Variants in TBX4 observed in about 807,000 individuals in gnomAD.
TBX4 encodes the protein T-box transcription factor 4, also known as T-box transcription factor TBX4.
Under a neutral mutation model 54.6 loss-of-function variants are expected in TBX4, and 13 were observed. The observed-to-expected ratio is 0.24, with a 90% CI of 0.15 to 0.38. The LOEUF (loss-of-function observed/expected upper bound fraction) is 0.38, where lower values mean the gene tolerates loss of function less well. TBX4 is among the 10% of genes least tolerant of loss of function. TBX4 has a pLI of 1.00. For missense variants in TBX4, 631 were observed against 728.5 expected (o/e 0.87, Z 1.54); for synonymous variants, 314 against 306.7 (o/e 1.02, Z -0.25).
intron 3 of TBX4, among the ~76,000 whole-genome samples, chr17:61,458,674 C>T (rs2060472301): frequency 6.6e-6 from 1 of 152,198 alleles, no homozygotes; most frequent in Non-Finnish European, 1.5e-5. Context: ...GCTCCCTCCC[C>T]ACTCCATCTG....
rs2060586432 is a variant in TBX4 at position 61,472,356 on chromosome 17, T to C, written c.549+4699T>C. Among the ~76,000 whole-genome samples the C allele has an allele frequency of 6.6e-6, 1 of 152,200 alleles. No individual in the cohort carries two copies. Among genetic ancestry groups the C allele is most frequent in the African/African-American group, 2.4e-5 (1 of 41,448 alleles). On this transcript the variant is annotated intron_variant, in intron 5 of 8. Transcript: ENST00000644296. The surrounding 1 kb of genome is among the most constrained non-coding windows in gnomAD (Gnocchi z 4.5). The stretch of plus-strand genomic sequence containing the variant: ...ATTTTTGTCAGTTTGACAGGTGAAA[T>C]GTGGATATCAGTGTTAGCTTTAATT...
rs1387161389 is a variant in TBX4 at position 61,479,356 on chromosome 17, C to T, written c.703-525C>T. Reference sequence around the variant, plus strand: ...GCTTTCCACAGTATGCACACAGGGACTGGCAAGGTGGGCAGGGGTCACTGG... The same window carrying T: ...GCTTTCCACAGTATGCACACAGGGATTGGCAAGGTGGGCAGGGGTCACTGG... On this transcript the variant is annotated intron_variant, in intron 6 of 8. Transcript: ENST00000644296. The surrounding 1 kb of genome is among the most constrained non-coding windows in gnomAD (Gnocchi z 6.1). Among the ~76,000 whole-genome samples the T allele has an allele frequency of 6.6e-6, 1 of 152,194 alleles. No individual in the cohort carries two copies. Among genetic ancestry groups the T allele is most frequent in the African/African-American group, 2.4e-5 (1 of 41,438 alleles).
rs1266154149 is a variant in TBX4 at position 61,462,475 on chromosome 17, G to C, written c.282-3344G>C. ...GCGGGGCACGTGGAAAGCGTGCCGA[G>C]GGGCTGGGAAGAGGGAGGGACAGGA... On this transcript the variant is annotated intron_variant, in intron 3 of 8. Coordinates refer to ENST00000644296, the MANE Select transcript of TBX4 (RefSeq NM_001321120.2). This position sits in a 1 kb window ranked among gnomAD's most constrained non-coding sequence, Gnocchi z 4.5. 6.6e-6 allele frequency among the ~76,000 whole-genome samples: 1 copy of C among 152,088 alleles called. No homozygotes were observed. Among genetic ancestry groups the C allele is most frequent in the African/African-American group, 2.4e-5 (1 of 41,420 alleles).
Position 61,480,300 on chromosome 17 carries a change from T to C in TBX4, c.1002T>C (p.Tyr334=). The C allele has an allele frequency of 6.2e-7, 1 of 1,613,620 alleles. No individual in the cohort carries two copies. The highest frequency in any genetic ancestry group is 1.3e-5 in the African/African-American group (1 of 74,908). ...CCCAGAGGGACTCAAGCCTCTTCTA[T>C]CACTGCCTGAAAAGACGAGGTAGGG... ...FPTQRDSSLF[Y]HCLKRRADGT... is the part of the protein sequence containing the mutation. The change falls in exon 8 of 9, where the codon TAT becomes TAC. Residue 334 remains tyrosine (Y), a synonymous_variant. Coordinates refer to ENST00000644296, the MANE Select transcript of TBX4 (RefSeq NM_001321120.2). The surrounding 1 kb of genome is among the most constrained non-coding windows in gnomAD (Gnocchi z 6.2).
intron 5 of TBX4, among the ~76,000 whole-genome samples, chr17:61,471,602 C>T (rs1449463583): frequency 6.8e-6 from 1 of 148,074 alleles, no homozygotes; most frequent in African/African-American, 2.5e-5. Context: ...CTCTTTTACA[C>T]ACAAAAGGTA....
rs1338577291 is a variant in TBX4, at chr17:61,461,465, G to A, written c.281+3834G>A. On this transcript the variant is annotated intron_variant, in intron 3 of 8. Coordinates refer to ENST00000644296, the MANE Select transcript of TBX4 (RefSeq NM_001321120.2). The surrounding 1 kb of genome is among the most constrained non-coding windows in gnomAD (Gnocchi z 5.1). ...AGGATTCCTCCTGAAAAGCCCCCAC[G>A]GACATCAGGGTTGGAGAAACAAAGG... Among the ~76,000 whole-genome samples, 1 of 152,144 alleles carries A rather than the reference G, an allele frequency of 6.6e-6. No individual in the cohort carries two copies. The highest frequency in any genetic ancestry group is 1.5e-5 in the Non-Finnish European group (1 of 68,032).
At position 61,480,903 on chromosome 17, in the gene TBX4, T is replaced by G. The variant is rs950494258; in HGVS notation, c.1021+584T>G. 2.0e-5 allele frequency among the ~76,000 whole-genome samples: 3 copies of G among 152,204 alleles called. No homozygotes were observed. Among genetic ancestry groups the G allele is most frequent in the African/African-American group, 7.2e-5 (3 of 41,442 alleles). ...TTCGTAAAGAGGAGGAGCCCGGAGC[T>G]GGGCACCATCACATCTGTGCTCTGT... On this transcript the variant is annotated intron_variant, in intron 8 of 8. Transcript: ENST00000644296. This position sits in a 1 kb window ranked among gnomAD's most constrained non-coding sequence, Gnocchi z 6.2.
In TBX4 at chr17:61,480,598, C is replaced by T. The variant is rs549633127; in HGVS notation, c.1021+279C>T. The stretch of plus-strand genomic sequence containing the variant: ...AGACACCTTTCCAAGTGTTGCTTTG[C>T]AGTCACTGCTCTGAGAGCCTCGTGG... On this transcript the variant is annotated intron_variant, in intron 8 of 8. Coordinates refer to ENST00000644296, the MANE Select transcript of TBX4 (RefSeq NM_001321120.2). The surrounding 1 kb of genome is among the most constrained non-coding windows in gnomAD (Gnocchi z 6.2). Among the ~76,000 whole-genome samples the T allele has an allele frequency of 6.6e-6, 1 of 152,186 alleles. No individual in the cohort carries two copies. The highest frequency in any genetic ancestry group is 1.9e-4 in the East Asian group (1 of 5,186).
At chr17:61,470,791 C>G (rs748982114) in intron 5 of TBX4, among the ~76,000 whole-genome samples, 4 of 152,222 alleles carry the variant, frequency 2.6e-5, no homozygotes, top group Non-Finnish European at 5.9e-5. Flanking sequence ...CTGCCTGCCA[C>G]TACCTCCCAC....
chr17:61,464,455 CT>C lies in TBX4; in HGVS notation c.282-1363del, dbSNP rs1442203541. ...TGACAAAATAGGGGCCTCTGATCAGCTGTTTGTGGCATCTTGGACAGCTTCT... is the reference window on the plus strand; with the variant it reads ...TGACAAAATAGGGGCCTCTGATCAGCGTTTGTGGCATCTTGGACAGCTTCT... On this transcript the variant is annotated intron_variant, in intron 3 of 8. Coordinates refer to ENST00000644296, the MANE Select transcript of TBX4 (RefSeq NM_001321120.2). The surrounding 1 kb of genome is among the most constrained non-coding windows in gnomAD (Gnocchi z 5.8). 2 of 152,338 alleles carry C rather than the reference CT, an allele frequency of 1.3e-5. No homozygotes were observed. The highest frequency in any genetic ancestry group is 2.9e-5 in the Non-Finnish European group (2 of 68,144). The allele number at this position is 152,338 out of a possible 1,614,324, so 9.4% of individuals were successfully genotyped here. A position where few individuals can be genotyped will look rare whatever the true frequency, so the allele number is the denominator to read the frequency against.
intron 5 of TBX4, among the ~76,000 whole-genome samples, chr17:61,468,235 C>G (rs1376612095): frequency 6.6e-6 from 1 of 152,240 alleles, no homozygotes; most frequent in Non-Finnish European, 1.5e-5. Flanking sequence ...TGGCCTGGTC[C>G]TTACAGAAGA....
rs192875680 is a variant in TBX4, at chr17:61,474,805, G to T, written c.550-3822G>T. ...CTGAGGAACTTCCGAGCAAAGCCAG[G>T]TGTGTGAGTCACTGAGTTGGTTTCA... On this transcript the variant is annotated intron_variant, in intron 5 of 8. Coordinates refer to ENST00000644296, the MANE Select transcript of TBX4 (RefSeq NM_001321120.2). This position sits in a 1 kb window ranked among gnomAD's most constrained non-coding sequence, Gnocchi z 4.6. Among the ~76,000 whole-genome samples the T allele has an allele frequency of 3.2e-4, 49 of 152,360 alleles. No individual in the cohort carries two copies. Among genetic ancestry groups the T allele is most frequent in the Admixed American group, 1.1e-3 (17 of 15,306 alleles).
rs948393522 is a variant in TBX4, at chr17:61,483,652, G to A, written c.*136G>A. 17 of 1,024,240 alleles carry A rather than the reference G, an allele frequency of 1.7e-5. No individual in the cohort carries two copies. The highest frequency in any genetic ancestry group is 4.1e-5 in the Admixed American group (2 of 48,362). The allele number at this position is 1,024,240 out of a possible 1,614,324, so 63.4% of individuals were successfully genotyped here. ...TGTGTGTGTGTGTGTGTGTGTGTGT[G>A]TATACACGAGCATGTATGTATTTGG... On this transcript the variant is annotated 3_prime_UTR_variant, in exon 9 of 9. Coordinates refer to ENST00000644296, the MANE Select transcript of TBX4 (RefSeq NM_001321120.2). The surrounding 1 kb of genome is among the most constrained non-coding windows in gnomAD (Gnocchi z 6.6).
intron 1 of TBX4, among the ~76,000 whole-genome samples, chr17:61,456,224 C>G (rs1277548404): frequency 6.6e-6 from 1 of 152,214 alleles, no homozygotes; most frequent in African/African-American, 2.4e-5. Context: ...CTCCCCTAGA[C>G]CTACTCATCA....
rs1053133564 is a variant in TBX4 at position 61,484,776 on chromosome 17, T to G, written c.*1260T>G. The G allele has an allele frequency of 1.3e-5, 2 of 148,286 alleles. No individual in the cohort carries two copies. The highest frequency in any genetic ancestry group is 3.0e-5 in the Non-Finnish European group (2 of 67,186). 9.2% of individuals were successfully genotyped at this position (148,286 alleles called of 1,614,324 possible). On this transcript the variant is annotated 3_prime_UTR_variant, in exon 9 of 9. Coordinates refer to ENST00000644296, the MANE Select transcript of TBX4 (RefSeq NM_001321120.2). This position sits in a 1 kb window ranked among gnomAD's most constrained non-coding sequence, Gnocchi z 4.1. ...AATAAATATATATATTATATATCGC[T>G]CTCTCTCACAAATGCAGGCCACATG... is the stretch of plus-strand genomic sequence containing the variant.
intron 5 of TBX4, among the ~76,000 whole-genome samples, chr17:61,468,772 G>A (rs1284219281): frequency 1.3e-5 from 2 of 152,178 alleles, no homozygotes; most frequent in Non-Finnish European, 2.9e-5. Flanking sequence ...TCCCATACAG[G>A]GCAGGCAGAT....
chr17:61,473,668 C>T (rs567996822), intron 5 of TBX4, among the ~76,000 whole-genome samples: 6 of 152,376 alleles, frequency 3.9e-5, no homozygotes, highest in African/African-American at 1.4e-4. Context: ...CCAATTCTGG[C>T]TGTGCCTGAA....
rs904718958 is a variant in TBX4, at chr17:61,465,227, C to T, written c.282-592C>T. ...CAGGGAGAAGTACCCCCGATAGACA[C>T]ACTGGAAGAACCCAAACCTAGCAGG... On this transcript the variant is annotated intron_variant, in intron 3 of 8. Transcript: ENST00000644296. This position sits in a 1 kb window ranked among gnomAD's most constrained non-coding sequence, Gnocchi z 4.9. Among the ~76,000 whole-genome samples the T allele has an allele frequency of 6.6e-6, 1 of 152,170 alleles. No individual in the cohort carries two copies. The highest frequency in any genetic ancestry group is 1.5e-5 in the Non-Finnish European group (1 of 68,040).
intron 2 of TBX4, 91 bp downstream of exon 2, chr17:61,456,767 A>G: frequency 9.4e-7 from 1 of 1,062,464 alleles, no homozygotes; most frequent in South Asian, 3.0e-5. Flanking sequence ...TGTCGGCAGG[A>G]CTCGCTTTCA....
Sources: gnomAD v4.1 joint callset for allele counts (sites outside exome capture counted in the v4.1 genomes callset) on GRCh38, gnomAD v4.1.1 for gene constraint, Gnocchi (gnomAD v3.1) non-coding constraint, MANE v1.5 for transcripts, NCBI Gene and HGNC (gene_info 2026-07-23, HGNC 2026-07-21) for gene names.